CNTNAP3B: variants seen among roughly 807,000 people sequenced by gnomAD.
The protein encoded by CNTNAP3B is contactin-associated protein-like 3B.
A neutral mutation model predicts 108.9 loss-of-function variants in CNTNAP3B; 25 were observed. That is an observed-to-expected ratio of 0.23 (90% confidence interval 0.17 to 0.32). The LOEUF (loss-of-function observed/expected upper bound fraction) is 0.32. Ranked by LOEUF, CNTNAP3B falls within the 10% of genes least tolerant of loss-of-function variation. The pLI is 1.00. For synonymous variants in CNTNAP3B, 103 were observed against 473.4 expected, an observed-to-expected ratio of 0.22 and a Z score of 10.16; for missense variants, 252 against 1,210.4, an observed-to-expected ratio of 0.21 and a Z score of 11.75.
At chr9:41,943,915 T>C (rs1238136697) in intron 13 of CNTNAP3B, among the ~76,000 whole-genome samples, 2 of 152,242 alleles carry the variant, frequency 1.3e-5, no homozygotes, top group African/African-American at 2.4e-5. Flanking sequence ...ATAAAATCTT[T>C]TAAAAATAAA....
intron 1 of CNTNAP3B, among the ~76,000 whole-genome samples, chr9:42,110,545 A>AT (rs1491199716): frequency 7.5e-6 from 1 of 132,514 alleles, no homozygotes; most frequent in African/African-American, 3.0e-5. Context: ...AAAAAAAAAA[A>AT]GAAAAAAAAA....
intron 11 of CNTNAP3B, among the ~76,000 whole-genome samples, chr9:41,961,171 C>A (rs1825078775): frequency 1.3e-5 from 2 of 152,300 alleles, no homozygotes; most frequent in Admixed American, 6.5e-5. Context: ...CAGTGTATTT[C>A]TATTTTGAGG....
chr9:41,972,584 A>G lies in CNTNAP3B; in HGVS notation c.1478-2339T>C, dbSNP rs1460766442. 2.9e-5 allele frequency among the ~76,000 whole-genome samples: 4 copies of G among 138,874 alleles called. 1 individual carries two copies. The highest frequency in any genetic ancestry group is 1.1e-4 in the African/African-American group (4 of 35,038). 91.1% of individuals were successfully genotyped at this position (138,874 alleles called of 152,430 possible). A position where few individuals can be genotyped will look rare whatever the true frequency, so the allele number is the denominator to read the frequency against. ...CTAAAGTAAAAGCCTCCCTCATATT[A>G]AGGCTTCTTTTTAGCTTATCGAAAC... On this transcript the variant is annotated intron_variant, in intron 9 of 23. Transcript: ENST00000377561.
chr9:41,928,229 G>A (rs1489127600), intron 15 of CNTNAP3B, among the ~76,000 whole-genome samples: 1 of 152,242 alleles, frequency 6.6e-6, no homozygotes, highest in Non-Finnish European at 1.5e-5. Context: ...CAGAGTTAAA[G>A]AACTTTATTG....
intron 1 of CNTNAP3B, among the ~76,000 whole-genome samples, chr9:42,117,034 A>G (rs1828334293): frequency 7.2e-6 from 1 of 139,294 alleles, no homozygotes; most frequent in South Asian, 2.3e-4. Context: ...GCAAGTCCTT[A>G]GAGGTGTACA....
chr9:42,044,002 C>T (rs1322210389), intron 3 of CNTNAP3B, among the ~76,000 whole-genome samples: 2 of 118,788 alleles, frequency 1.7e-5, no homozygotes, highest in Non-Finnish European at 3.5e-5. Flanking sequence ...CCTGCTCTGT[C>T]CTGCATGGGA....
At chr9:41,938,590 A>T (rs1824231126) in intron 13 of CNTNAP3B, among the ~76,000 whole-genome samples, 190 bp from the exon 14 acceptor site, 2 of 152,286 alleles carry the variant, frequency 1.3e-5, no homozygotes, top group South Asian at 4.1e-4. Flanking sequence ...TTTTTCCCCC[A>T]ATATTTCAAT....
At chr9:41,945,414 T>C (rs1478202144) in intron 13 of CNTNAP3B, among the ~76,000 whole-genome samples, 3 of 152,298 alleles carry the variant, frequency 2.0e-5, no homozygotes, top group Non-Finnish European at 4.4e-5. Context: ...GGCACATATA[T>C]ACCATGGAAT....
chr9:42,038,504 A>C (rs1412153252), intron 3 of CNTNAP3B, among the ~76,000 whole-genome samples: 1 of 107,122 alleles, frequency 9.3e-6, no homozygotes. Flanking sequence ...AACAGACTTT[A>C]AACCAACAAA....
chr9:42,108,473 C>A (rs1828125742), intron 1 of CNTNAP3B, among the ~76,000 whole-genome samples: 1 of 135,248 alleles, frequency 7.4e-6, no homozygotes, highest in Non-Finnish European at 1.6e-5. Context: ...CAGCTGGATT[C>A]ATATTAAAAC....
At chr9:42,030,750 C>CAGAGAGTGAGAGAGAGAG (rs1826500678) in intron 3 of CNTNAP3B, among the ~76,000 whole-genome samples, 2 of 60,404 alleles carry the variant, frequency 3.3e-5, no homozygotes, top group Admixed American at 4.1e-4. Context: ...GAAAGAGATA[C>CAGAGAGTGAGAGAGAGAG]AGAGAGAGAG....
rs1828099494 is a variant in CNTNAP3B, at chr9:42,107,076, C to T, written c.86-2337G>A. The stretch of plus-strand genomic sequence containing the variant: ...TGGATTCCTGCAGTATCATGCGATA[C>T]ATGAAACAGCACTGGGCATTTCACG... On this transcript the variant is annotated intron_variant, in intron 1 of 23. Coordinates refer to ENST00000377561, the MANE Select transcript of CNTNAP3B (RefSeq NM_001201380.3). Among the ~76,000 whole-genome samples, 2 of 90,826 alleles carry T rather than the reference C, an allele frequency of 2.2e-5. 1 individual carries two copies. The highest frequency in any genetic ancestry group is 2.3e-4 in the Admixed American group (2 of 8,514). 59.6% of individuals were successfully genotyped at this position (90,826 alleles called of 152,430 possible).
At chr9:41,966,709 T>G (rs1308493384) in intron 10 of CNTNAP3B, among the ~76,000 whole-genome samples, 1 of 152,254 alleles carries the variant, frequency 6.6e-6, no homozygotes, top group Non-Finnish European at 1.5e-5. Context: ...GGCTCACGCC[T>G]GTAATCCCAG....
At chr9:42,019,754 C>G (rs1271153910) in intron 3 of CNTNAP3B, among the ~76,000 whole-genome samples, 26 of 127,276 alleles carry the variant, frequency 2.0e-4, no homozygotes, top group African/African-American at 7.8e-4. Flanking sequence ...GAGTGAGACT[C>G]TATCTCAAAA....
intron 4 of CNTNAP3B, among the ~76,000 whole-genome samples, chr9:42,000,508 TA>T (rs1825983544): frequency 1.9e-5 from 2 of 107,212 alleles, no homozygotes; most frequent in African/African-American, 4.1e-5. Flanking sequence ...TTTAGTTGAC[TA>T]ACAAAGTTTT....
Position 41,993,506 on chromosome 9 carries a change from G to T in CNTNAP3B, c.1072-1635C>A, listed in dbSNP as rs1385241313. ...CATTTGCAGAAGAAAATTTAAAAAA[G>T]AAAACATTTGCTGTAACGAACTAAA... is the stretch of plus-strand genomic sequence containing the variant. On this transcript the variant is annotated intron_variant, in intron 7 of 23. Coordinates refer to ENST00000377561, the MANE Select transcript of CNTNAP3B (RefSeq NM_001201380.3). The T allele has an allele frequency of 1.8e-5, 2 of 110,236 alleles. 1 individual carries two copies. Among genetic ancestry groups the T allele is most frequent in the African/African-American group, 7.1e-5 (2 of 28,008 alleles). 6.8% of individuals were successfully genotyped at this position (110,236 alleles called of 1,614,324 possible).
At position 41,957,702 on chromosome 9, in the gene CNTNAP3B, G is replaced by T. The variant is rs1450442745; in HGVS notation, c.1876+3071C>A. Among the ~76,000 whole-genome samples the T allele has an allele frequency of 1.4e-4, 22 of 152,182 alleles. No individual in the cohort carries two copies. The East Asian group carries it at 4.2e-3, about 29-fold the overall frequency. The stretch of plus-strand genomic sequence containing the variant: ...TTAATTATAGTTGTTTAAAGTCCTG[G>T]TCTGATAATTCCAATGTCCCTGCCA... On this transcript the variant is annotated intron_variant, in intron 12 of 23. Coordinates refer to ENST00000377561, the MANE Select transcript of CNTNAP3B (RefSeq NM_001201380.3).
In CNTNAP3B at chr9:42,117,477, T is replaced by A. The variant is rs575784328; in HGVS notation, c.85+11533A>T. Among the ~76,000 whole-genome samples the A allele has an allele frequency of 7.9e-4, 111 of 140,894 alleles. 6 individuals are homozygous for A. The highest frequency in any genetic ancestry group is 3.0e-3 in the African/African-American group (108 of 35,862). The allele number at this position is 140,894 out of a possible 152,430, so 92.4% of individuals were successfully genotyped here. A position where few individuals can be genotyped will look rare whatever the true frequency, so the allele number is the denominator to read the frequency against. On this transcript the variant is annotated intron_variant, in intron 1 of 23. Transcript: ENST00000377561. ...AAATAAAGATGTTCTTTGAAACCAA[T>A]GAGAACAAACACACAACATACCAGA...
At position 41,999,355 on chromosome 9, in the gene CNTNAP3B, C is replaced by T. The variant is rs1222477159; in HGVS notation, c.539-751G>A. On this transcript the variant is annotated intron_variant, in intron 4 of 23. Transcript: ENST00000377561. ...GGTTAAACTCTATAACGTGGGTGGG[C>T]CTCATCCAATCAGTTGAAGGCTGTA... 3.3e-3 allele frequency among the ~76,000 whole-genome samples: 48 copies of T among 14,552 alleles called. 1 individual carries two copies. Among genetic ancestry groups the T allele is most frequent in the African/African-American group, 0.019 (45 of 2,404 alleles). 9.5% of individuals were successfully genotyped at this position (14,552 alleles called of 152,430 possible). A position where few individuals can be genotyped will look rare whatever the true frequency, so the allele number is the denominator to read the frequency against.
Sources: allele counts gnomAD v4.1 joint callset (sites outside exome capture counted in the v4.1 genomes callset), GRCh38; gene constraint gnomAD v4.1.1; transcripts MANE v1.5; gene names NCBI Gene and HGNC (gene_info 2026-07-23, HGNC 2026-07-21).